Variants in WDR19 observed in about 807,000 individuals in gnomAD.
The protein encoded by WDR19 is WD repeat domain 19, also known as WD repeat-containing protein 19.
WDR19 carries 121 observed loss-of-function variants against 180.0 expected under a neutral mutation model. The ratio of observed to expected loss-of-function variants is 0.67; its 90% CI spans 0.58 to 0.78. The LOEUF (loss-of-function observed/expected upper bound fraction) is 0.78, where lower values mean the gene tolerates loss of function less well. Among genes scored for constraint, WDR19 ranks in the 30% least tolerant of loss-of-function variants. WDR19 has a pLI of 0.00. For synonymous variants in WDR19, 497 were observed against 540.7 expected (o/e 0.92, Z 1.12); for missense variants, 1,450 against 1,640.7 (o/e 0.88, Z 2.01).
intron 36 of WDR19, among the ~76,000 whole-genome samples, chr4:39,282,035 A>G (rs1213297082): frequency 6.6e-6 from 1 of 152,184 alleles, no homozygotes; most frequent in Admixed American, 6.5e-5. Context: ...ACCCTATTAT[A>G]AAGGGCTCAC....
At chr4:39,192,596 A>G (rs988453524) in intron 4 of WDR19, among the ~76,000 whole-genome samples, 1 of 152,104 alleles carries the variant, frequency 6.6e-6, no homozygotes, top group Non-Finnish European at 1.5e-5. Context: ...CAGCCTCCCA[A>G]GTAGCTCGGT....
chr4:39,255,689 T>G (rs1404270563), intron 26 of WDR19, among the ~76,000 whole-genome samples, 159 bp from the exon 27 acceptor site: 2 of 152,196 alleles, frequency 1.3e-5, no homozygotes, highest in Non-Finnish European at 2.9e-5. Flanking sequence ...GGAGTAATTG[T>G]GATAAGTATG....
chr4:39,272,056 G>A (rs1443530024), intron 31 of WDR19, among the ~76,000 whole-genome samples: 2 of 152,302 alleles, frequency 1.3e-5, no homozygotes, highest in Admixed American at 6.5e-5. Context: ...ACCTCCAGGA[G>A]TACACTTCCC....
chr4:39,195,816 A>G (rs1049766543), intron 5 of WDR19, among the ~76,000 whole-genome samples: 4 of 152,222 alleles, frequency 2.6e-5, no homozygotes, highest in Admixed American at 6.5e-5. Flanking sequence ...TTAGTTTTAC[A>G]TATATGTATC....
chr4:39,182,656 C>T (rs1248360377), intron 1 of WDR19, 93 bp downstream of exon 1: 3 of 1,558,648 alleles, frequency 1.9e-6, no homozygotes, highest in Non-Finnish European at 2.6e-6. Flanking sequence ...CCTCTCCCTT[C>T]TGAGTTCGTT....
intron 21 of WDR19, among the ~76,000 whole-genome samples, chr4:39,242,730 C>T (rs959059134): frequency 6.6e-6 from 1 of 152,204 alleles, no homozygotes; most frequent in African/African-American, 2.4e-5. Flanking sequence ...TGCAGTGGTG[C>T]GATCCTGGCT....
chr4:39,195,374 A>T (rs1726626498), intron 5 of WDR19, among the ~76,000 whole-genome samples: 3 of 131,308 alleles, frequency 2.3e-5, no homozygotes, highest in Non-Finnish European at 4.9e-5. Context: ...CTCAAAAAAA[A>T]AAAACAAAAA....
Position 39,252,016 on chromosome 4 carries a change from G to A in WDR19, c.2730-1130G>A, listed in dbSNP as rs185405447. 3.2e-3 allele frequency among the ~76,000 whole-genome samples: 483 copies of A among 151,978 alleles called. 3 individuals are homozygous for A. The highest frequency in any genetic ancestry group is 0.011 in the African/African-American group (452 of 41,410). ...AGCCATCCCATTACTAGGTATATAC[G>A]CAAAGGATTATAAATCATGCTGCTA... On this transcript the variant is annotated intron_variant, in intron 24 of 36. Transcript: ENST00000399820.
chr4:39,263,989 G>A (rs1734551106), intron 28 of WDR19, among the ~76,000 whole-genome samples: 1 of 150,852 alleles, frequency 6.6e-6, no homozygotes, highest in South Asian at 2.1e-4. Context: ...GCCACATTTT[G>A]CATATGTAAT....
intron 1 of WDR19, among the ~76,000 whole-genome samples, chr4:39,183,440 G>C (rs1725187178): frequency 6.6e-6 from 1 of 151,764 alleles, no homozygotes; most frequent in Admixed American, 6.6e-5. Flanking sequence ...TAGTAGAGAT[G>C]GGGTTTCACC....
chr4:39,238,975 T>TATC (rs1470803440), intron 20 of WDR19, among the ~76,000 whole-genome samples: 1 of 151,660 alleles, frequency 6.6e-6, no homozygotes, highest in Non-Finnish European at 1.5e-5. Flanking sequence ...AAGAGAATAT[T>TATC]ATTATTATTA....
chr4:39,277,304 T>C (rs1034776249), intron 34 of WDR19, 161 bp downstream of exon 34: 3 of 845,776 alleles, frequency 3.5e-6, no homozygotes, highest in African/African-American at 3.5e-5. Flanking sequence ...CAGTTAAAGG[T>C]GATATTCAAA....
intron 14 of WDR19, among the ~76,000 whole-genome samples, chr4:39,220,812 C>T (rs555429695): frequency 1.3e-5 from 2 of 148,404 alleles, no homozygotes; most frequent in Admixed American, 1.3e-4. Flanking sequence ...CCAGCTGAAA[C>T]ATTTTTTATA....
intron 36 of WDR19, among the ~76,000 whole-genome samples, chr4:39,284,409 G>T (rs115227673): frequency 7.5e-6 from 1 of 134,004 alleles, no homozygotes; most frequent in Non-Finnish European, 1.5e-5. Flanking sequence ...CACAATCATC[G>T]TTCACTGCAG....
intron 33 of WDR19, 71 bp from the exon 34 acceptor site, chr4:39,276,949 A>G: frequency 6.3e-7 from 1 of 1,590,636 alleles, no homozygotes; most frequent in Non-Finnish European, 8.6e-7. Context: ...TTTTCCAAAT[A>G]TGCTTTCTCT....
At chr4:39,209,711 C>CAAAA (rs71192833) in intron 9 of WDR19, among the ~76,000 whole-genome samples, 1 of 108,682 alleles carries the variant, frequency 9.2e-6, no homozygotes, top group Admixed American at 9.4e-5. Flanking sequence ...GACTCTGTCT[C>CAAAA]AAAAAAAAAA....
rs187332731 is a variant in WDR19 at position 39,240,299 on chromosome 4, G to A, written c.2386G>A (p.Ala796Thr). ...EFAGDYVNAL[A>T]HYEKGITGDN... ...CAGGGGTGATTATGTAAATGCTTTG[G>A]CTCATTATGAGAAAGGAATAACAGG... Residue 796 changes from alanine to threonine, a missense_variant, in exon 21 of 37, where the codon GCT becomes ACT. Ala to Thr is a moderately conservative substitution (Grantham distance 58). Transcript: ENST00000399820. 1.7e-4 allele frequency: 244 copies of A among 1,427,794 alleles called. No homozygotes were observed. The African/African-American group carries it at 3.4e-3, about 20-fold the overall frequency. 88.4% of individuals were successfully genotyped at this position (1,427,794 alleles called of 1,614,324 possible). A position where few individuals can be genotyped will look rare whatever the true frequency, so the allele number is the denominator to read the frequency against.
chr4:39,275,507 C>T (rs1401378258), intron 33 of WDR19, among the ~76,000 whole-genome samples: 2 of 152,250 alleles, frequency 1.3e-5, no homozygotes, highest in South Asian at 2.1e-4. Flanking sequence ...ACCAGATCCC[C>T]GTCTTCCAGC....
chr4:39,185,880 A>G, intron 2 of WDR19, 63 bp downstream of exon 2: 2 of 1,303,478 alleles, frequency 1.5e-6, no homozygotes, highest in South Asian at 3.0e-5. Context: ...CCATCTACTC[A>G]GTAGAAGTTT....
Sources: allele counts gnomAD v4.1 joint callset (sites outside exome capture counted in the v4.1 genomes callset), GRCh38; gene constraint gnomAD v4.1.1; transcripts MANE v1.5; gene names NCBI Gene and HGNC (gene_info 2026-07-23, HGNC 2026-07-21).